MTMR7: variants seen among roughly 807,000 people sequenced by gnomAD.
MTMR7 encodes the protein phosphatidylinositol-3-phosphate phosphatase MTMR7.
In MTMR7, 76 loss-of-function variants were observed where a neutral mutation model predicts 81.2. That is an observed-to-expected ratio of 0.94 (90% CI 0.78 to 1.13). The LOEUF (loss-of-function observed/expected upper bound fraction) is 1.13. Among genes scored for constraint, MTMR7 ranks in the 50% most tolerant of loss-of-function variants. The probability of loss-of-function intolerance (pLI) is 0.00; values close to 1 mark genes in which losing one functional copy is unlikely to be tolerated. For missense variants in MTMR7, 1,044 were observed against 820.0 expected (o/e 1.27, Z -3.34); for synonymous variants, 372 against 289.8 (o/e 1.28, Z -2.88).
chr8:17,348,784 A>ATAAG (rs1374247389), intron 5 of MTMR7, among the ~76,000 whole-genome samples, 169 bp downstream of exon 5: 2 of 152,118 alleles, frequency 1.3e-5, no homozygotes, highest in Non-Finnish European at 2.9e-5. Context: ...TCTACATGAG[A>ATAAG]TAAGGACTTA....
chr8:17,361,938 A>G, intron 3 of MTMR7, among the ~76,000 whole-genome samples: 1 of 152,184 alleles, frequency 6.6e-6, no homozygotes, highest in East Asian at 1.9e-4. Flanking sequence ...GGTTTCTTTC[A>G]ATCCTGTCGT....
At chr8:17,399,006 G>A (rs1443087428) in intron 1 of MTMR7, among the ~76,000 whole-genome samples, 4 of 152,050 alleles carry the variant, frequency 2.6e-5, no homozygotes, top group Admixed American at 6.6e-5. Flanking sequence ...ATATACAACA[G>A]ACTCACAGCT....
chr8:17,321,255 A>T (rs1332212339), intron 7 of MTMR7, among the ~76,000 whole-genome samples: 7 of 152,224 alleles, frequency 4.6e-5, no homozygotes, highest in African/African-American at 1.7e-4. Flanking sequence ...GCAAGAGAGG[A>T]ATGGATGGCC....
rs563391044 is a variant in MTMR7 at position 17,364,809 on chromosome 8, TCA to T, written c.311-3537_311-3536del. 3.5e-3 allele frequency among the ~76,000 whole-genome samples: 540 copies of T among 152,392 alleles called. 6 individuals are homozygous for T. The highest frequency in any genetic ancestry group is 2.8e-3 in the Non-Finnish European group (192 of 68,042). On this transcript the variant is annotated intron_variant, in intron 3 of 13. Coordinates refer to ENST00000180173, the MANE Select transcript of MTMR7 (RefSeq NM_004686.5). ...TATATACCATGTTTTCTTTATCTCT[TCA>T]TCCAATGATGGATACTTAAGTTGAT...
chr8:17,395,286 G>A (rs1184721990), intron 1 of MTMR7, among the ~76,000 whole-genome samples: 1 of 152,068 alleles, frequency 6.6e-6, no homozygotes, highest in Non-Finnish European at 1.5e-5. Flanking sequence ...TCCATTGCAT[G>A]TACATATCAT....
intron 7 of MTMR7, among the ~76,000 whole-genome samples, chr8:17,328,626 AC>A (rs1818824036): frequency 6.6e-6 from 1 of 152,192 alleles, no homozygotes; most frequent in Non-Finnish European, 1.5e-5. Flanking sequence ...GCTAGGCTTA[AC>A]AGTTAGATGA....
chr8:17,304,627 C>T (rs981499574), intron 11 of MTMR7, 108 bp from the exon 12 acceptor site: 10 of 1,123,044 alleles, frequency 8.9e-6, no homozygotes, highest in South Asian at 1.5e-5. Flanking sequence ...CTGAAAACCA[C>T]GTGTCTGTTC....
chr8:17,383,127 C>A (rs577276320), intron 1 of MTMR7, among the ~76,000 whole-genome samples: 1 of 152,008 alleles, frequency 6.6e-6, no homozygotes, highest in Non-Finnish European at 1.5e-5. Flanking sequence ...CTCTTAGATA[C>A]CAAGGTTGGG....
At chr8:17,319,838 C>A (rs73666112) in intron 7 of MTMR7, among the ~76,000 whole-genome samples, 16,855 of 152,108 alleles carry the variant, frequency 0.11, 1,567 homozygotes, top group South Asian at 0.42. Context: ...TCAGCAGGAA[C>A]CAATCTTGGT....
chr8:17,315,764 C>T (rs1818033497), intron 7 of MTMR7, among the ~76,000 whole-genome samples: 1 of 152,050 alleles, frequency 6.6e-6, no homozygotes, highest in African/African-American at 2.4e-5. Context: ...GTAATCCCAG[C>T]ACTTTGAGAG....
chr8:17,398,580 C>A (rs1821327478), intron 1 of MTMR7, among the ~76,000 whole-genome samples: 1 of 152,006 alleles, frequency 6.6e-6, no homozygotes, highest in Admixed American at 6.6e-5. Flanking sequence ...ACGGGCAAAT[C>A]TAAGAGTTAC....
In MTMR7 at chr8:17,297,991, C is replaced by G. The variant is rs560054580; in HGVS notation, c.*1871G>C. 3 of 151,960 alleles carry G rather than the reference C, an allele frequency of 2.0e-5. No individual in the cohort carries two copies. The highest frequency in any genetic ancestry group is 4.4e-5 in the Non-Finnish European group (3 of 67,880). The allele number at this position is 151,960 out of a possible 1,614,324, so 9.4% of individuals were successfully genotyped here. On this transcript the variant is annotated 3_prime_UTR_variant, in exon 14 of 14. Coordinates refer to ENST00000180173, the MANE Select transcript of MTMR7 (RefSeq NM_004686.5). ...AAACATCAAATATTTATACTATTTG[C>G]TTTTCAAATAAAAGCATAGTGCTGT...
chr8:17,348,027 G>A (rs948248845), intron 5 of MTMR7, among the ~76,000 whole-genome samples: 1 of 152,164 alleles, frequency 6.6e-6, no homozygotes, highest in Non-Finnish European at 1.5e-5. Flanking sequence ...AAGGCTAAGT[G>A]GGGTGGGGCC....
intron 7 of MTMR7, among the ~76,000 whole-genome samples, chr8:17,329,259 A>G (rs1343265334): frequency 6.6e-6 from 1 of 152,202 alleles, no homozygotes; most frequent in Non-Finnish European, 1.5e-5. Flanking sequence ...ACACTTCATC[A>G]TCAGCTCAGC....
intron 6 of MTMR7, among the ~76,000 whole-genome samples, chr8:17,339,904 C>A (rs549029584): frequency 2.6e-5 from 4 of 152,288 alleles, no homozygotes; most frequent in East Asian, 3.9e-4. Context: ...AACTTCTCAC[C>A]CCACAGGAAA....
intron 9 of MTMR7, among the ~76,000 whole-genome samples, chr8:17,311,120 C>A (rs932887045): frequency 1.3e-5 from 2 of 152,164 alleles, no homozygotes; most frequent in African/African-American, 4.8e-5. Context: ...TTTTGGCATA[C>A]ACAATATAGA....
intron 3 of MTMR7, among the ~76,000 whole-genome samples, chr8:17,363,583 T>C (rs1820122468): frequency 6.6e-6 from 1 of 152,188 alleles, no homozygotes; most frequent in Admixed American, 6.5e-5. Context: ...GGGTTGACAC[T>C]GAAATTATGA....
At chr8:17,319,911 C>T (rs1338328082) in intron 7 of MTMR7, among the ~76,000 whole-genome samples, 1 of 152,134 alleles carries the variant, frequency 6.6e-6, no homozygotes, top group Non-Finnish European at 1.5e-5. Context: ...TGCCCTAATA[C>T]AGGACTCACT....
At chr8:17,311,692 C>G (rs1450604831) in intron 8 of MTMR7, 56 bp from the exon 9 acceptor site, 4 of 1,610,556 alleles carry the variant, frequency 2.5e-6, no homozygotes, top group Admixed American at 3.3e-5. Flanking sequence ...AAAGGCAGAA[C>G]CTCTCATCAC....
Sources: gnomAD v4.1 joint callset for allele counts (sites outside exome capture counted in the v4.1 genomes callset) on GRCh38, gnomAD v4.1.1 for gene constraint, MANE v1.5 for transcripts, NCBI Gene and HGNC (gene_info 2026-07-23, HGNC 2026-07-21) for gene names.